Variants in KCNAB1 observed in about 807,000 individuals in gnomAD.
The protein encoded by KCNAB1 is potassium voltage-gated channel subfamily A regulatory beta subunit 1.
Under a neutral mutation model 64.6 loss-of-function variants are expected in KCNAB1, and 35 were observed. The ratio of observed to expected loss-of-function variants is 0.54; its 90% CI spans 0.41 to 0.72. The LOEUF is 0.72. Ranked by LOEUF, KCNAB1 falls within the 30% of genes least tolerant of loss-of-function variation. The pLI, the probability that KCNAB1 is intolerant of heterozygous loss-of-function variation, is 0.00. For synonymous variants in KCNAB1, 177 were observed against 183.8 expected, an observed-to-expected ratio of 0.96 and a Z score of 0.30; for missense variants, 401 against 512.9, an observed-to-expected ratio of 0.78 and a Z score of 2.11.
chr3:156,230,715 A>G (rs1031277964), intron 1 of KCNAB1, among the ~76,000 whole-genome samples: 5 of 152,244 alleles, frequency 3.3e-5, no homozygotes, highest in African/African-American at 1.2e-4. Context: ...GATAAAGAAT[A>G]GGAATGCAGG....
intron 13 of KCNAB1, among the ~76,000 whole-genome samples, chr3:156,532,345 C>A (rs1718757969): frequency 6.6e-6 from 1 of 152,152 alleles, no homozygotes; most frequent in Non-Finnish European, 1.5e-5. Context: ...CCAAAGGCCA[C>A]AACTAGTCCT....
At chr3:156,377,998 G>A (rs1438170435) in intron 1 of KCNAB1, among the ~76,000 whole-genome samples, 1 of 152,076 alleles carries the variant, frequency 6.6e-6, no homozygotes, top group Non-Finnish European at 1.5e-5. Flanking sequence ...GGTATGCATG[G>A]GGAGGAGCCC....
intron 1 of KCNAB1, among the ~76,000 whole-genome samples, chr3:156,371,928 T>C (rs909169090): frequency 1.4e-4 from 21 of 152,160 alleles, no homozygotes; most frequent in Non-Finnish European, 8.8e-5. Flanking sequence ...TGAAAATGGT[T>C]CCAAACTAAT....
intron 1 of KCNAB1, among the ~76,000 whole-genome samples, chr3:156,295,493 G>T: frequency 6.6e-6 from 1 of 151,998 alleles, no homozygotes; most frequent in East Asian, 1.9e-4. Flanking sequence ...TCTGAATTCT[G>T]CAAAATAAAA....
intron 2 of KCNAB1, among the ~76,000 whole-genome samples, chr3:156,431,765 A>AGGC (rs1211131478): frequency 6.6e-6 from 1 of 152,372 alleles, no homozygotes; most frequent in East Asian, 1.9e-4. Flanking sequence ...AAGAATTTCT[A>AGGC]GGCTCACCTG....
At chr3:156,356,110 G>A (rs1297995817) in intron 1 of KCNAB1, among the ~76,000 whole-genome samples, 6 of 141,116 alleles carry the variant, frequency 4.3e-5, no homozygotes, top group Non-Finnish European at 9.0e-5. Context: ...TGACAGAGTG[G>A]GACCCTGTAA....
At chr3:156,437,600 C>A (rs372358214) in intron 2 of KCNAB1, among the ~76,000 whole-genome samples, 3 of 152,230 alleles carry the variant, frequency 2.0e-5, no homozygotes, top group East Asian at 3.9e-4. Flanking sequence ...TCCCAGAAAA[C>A]GAGACTGCTG....
chr3:156,389,709 G>A (rs1712884632), intron 1 of KCNAB1, among the ~76,000 whole-genome samples: 1 of 152,176 alleles, frequency 6.6e-6, no homozygotes, highest in African/African-American at 2.4e-5. Context: ...TTTGCATTTC[G>A]AACAGTTTTC....
intron 1 of KCNAB1, among the ~76,000 whole-genome samples, chr3:156,172,201 G>A (rs1322495145): frequency 6.6e-6 from 1 of 152,164 alleles, no homozygotes; most frequent in East Asian, 1.9e-4. Context: ...TCCCTCTGGT[G>A]GGGGATGTGT....
At chr3:156,353,271 C>T (rs910980617) in intron 1 of KCNAB1, among the ~76,000 whole-genome samples, 1 of 152,186 alleles carries the variant, frequency 6.6e-6, no homozygotes, top group Non-Finnish European at 1.5e-5. Context: ...CTCTCCTTCT[C>T]TCCATCCTTT....
At chr3:156,165,764 GTTC>G (rs1469475819) in intron 1 of KCNAB1, among the ~76,000 whole-genome samples, 4 of 152,010 alleles carry the variant, frequency 2.6e-5, no homozygotes, top group South Asian at 2.1e-4. Context: ...ATTCCCTTTT[GTTC>G]TTCTGAGCTC....
chr3:156,487,095 A>C (rs957244468), intron 8 of KCNAB1, among the ~76,000 whole-genome samples: 2 of 152,188 alleles, frequency 1.3e-5, no homozygotes, highest in East Asian at 3.9e-4. Context: ...CATGCCAAAA[A>C]AATTTAACTC....
chr3:156,250,188 G>A (rs938247480), intron 1 of KCNAB1, among the ~76,000 whole-genome samples: 1 of 152,280 alleles, frequency 6.6e-6, no homozygotes, highest in Admixed American at 6.5e-5. Flanking sequence ...CAAACATTTT[G>A]AGAAGGGAAG....
chr3:156,413,299 C>T (rs1230308652), intron 1 of KCNAB1, among the ~76,000 whole-genome samples: 2 of 152,196 alleles, frequency 1.3e-5, no homozygotes, highest in Non-Finnish European at 2.9e-5. Flanking sequence ...CGATGTTCCT[C>T]CACTCAAAGC....
At chr3:156,175,755 G>A (rs963633604) in intron 1 of KCNAB1, 49 of 563,026 alleles carry the variant, frequency 8.7e-5, no homozygotes, top group Non-Finnish European at 5.0e-5. Flanking sequence ...TTTCTTGCCA[G>A]TAATCGTCAT....
upstream of KCNAB1, among the ~76,000 whole-genome samples, chr3:156,120,234 C>T (rs1560095451): frequency 6.6e-6 from 1 of 152,150 alleles, no homozygotes; most frequent in Non-Finnish European, 1.5e-5. Context: ...ATAACTCTAA[C>T]ATGATTATCG....
intron 2 of KCNAB1, among the ~76,000 whole-genome samples, chr3:156,424,457 T>C (rs1007334900): frequency 6.6e-6 from 1 of 152,154 alleles, no homozygotes; most frequent in Admixed American, 6.5e-5. Context: ...TATTTACTCA[T>C]ATTTGAAAGA....
intron 7 of KCNAB1, among the ~76,000 whole-genome samples, chr3:156,470,711 G>A (rs1713822446): frequency 6.6e-6 from 1 of 152,204 alleles, no homozygotes. Flanking sequence ...TTTGGAGTAG[G>A]AGAGGAAAAT....
chr3:156,477,961 A>G (rs1714494629), intron 8 of KCNAB1, among the ~76,000 whole-genome samples: 1 of 152,170 alleles, frequency 6.6e-6, no homozygotes, highest in African/African-American at 2.4e-5. Flanking sequence ...GTACATGTAC[A>G]ATGGGGGTAT....
Sources: allele counts gnomAD v4.1 joint callset (sites outside exome capture counted in the v4.1 genomes callset), GRCh38; gene constraint gnomAD v4.1.1; transcripts MANE v1.5; gene names NCBI Gene and HGNC (gene_info 2026-07-23, HGNC 2026-07-21).